PCDHGB5: variants seen among roughly 807,000 people sequenced by gnomAD.
The protein encoded by PCDHGB5 is protocadherin gamma-B5.
PCDHGB5 carries 48 observed loss-of-function variants against 62.9 expected under a neutral mutation model. That is an observed-to-expected ratio of 0.76 (90% CI 0.61 to 0.97). The LOEUF (loss-of-function observed/expected upper bound fraction) is 0.97. Among genes scored for constraint, PCDHGB5 ranks in the 50% least tolerant of loss-of-function variants. PCDHGB5 has a pLI of 0.00. For synonymous variants in PCDHGB5, 474 were observed against 511.2 expected (o/e 0.93, Z 0.98); for missense variants, 1,118 against 1,198.6 (o/e 0.93, Z 0.99).
At chr5:141,422,100 A>G (rs1019775470) in intron 1 of PCDHGB5, 2 of 1,609,786 alleles carry the variant, frequency 1.2e-6, no homozygotes, top group Non-Finnish European at 1.7e-6. Context: ...AGGCTTCTGA[A>G]ATATTCCAAT....
At chr5:141,400,799 G>C (rs2094077749) in intron 1 of PCDHGB5, 1 of 553,376 alleles carries the variant, frequency 1.8e-6, no homozygotes, top group Non-Finnish European at 3.2e-6. Flanking sequence ...CTTTCTCAAA[G>C]CTAATGAATT....
intron 1 of PCDHGB5, among the ~76,000 whole-genome samples, chr5:141,454,881 C>G (rs2098805859): frequency 7.4e-6 from 1 of 135,536 alleles, no homozygotes; most frequent in African/African-American, 2.8e-5. Flanking sequence ...GATCTTGGCT[C>G]ACTGCTAGCA....
At position 141,415,393 on chromosome 5, in the gene PCDHGB5, T is replaced by C. The variant is rs574028530; in HGVS notation, c.2397+14869T>C. On this transcript the variant is annotated intron_variant, in intron 1 of 3. Transcript: ENST00000617380. ...TTCAGGAGGCGGCTTGACAGGTGTG[T>C]CCGGCTCGCACTTTGTGGGCGTGGA... 1.1e-5 allele frequency: 17 copies of C among 1,614,190 alleles called. No individual in the cohort carries two copies. In the East Asian group the frequency reaches 2.5e-4, roughly 23 times the overall value.
intron 1 of PCDHGB5, among the ~76,000 whole-genome samples, chr5:141,488,600 A>G (rs2099677400): frequency 6.6e-6 from 1 of 152,166 alleles, no homozygotes; most frequent in Admixed American, 6.5e-5. Flanking sequence ...AAGACTTTAC[A>G]AGGTTCTTAC....
At position 141,432,540 on chromosome 5, in the gene PCDHGB5, T is replaced by A. The variant is rs147884705; in HGVS notation, c.2397+32016T>A. 7.6e-4 allele frequency: 1,222 copies of A among 1,613,608 alleles called. 1 individual carries two copies. The highest frequency in any genetic ancestry group is 1.1e-3 in the Admixed American group (64 of 59,988). ...TACCTGGTGACCAAGGTGGTGGCGG[T>A]GGACAGAGACTCCGGCCAGAACGCC... On this transcript the variant is annotated intron_variant, in intron 1 of 3. Transcript: ENST00000617380. This position sits in a 1 kb window ranked among gnomAD's most constrained non-coding sequence, Gnocchi z 6.0.
chr5:141,482,000 G>A (rs1421859839), intron 1 of PCDHGB5, among the ~76,000 whole-genome samples: 8 of 150,854 alleles, frequency 5.3e-5, no homozygotes, highest in East Asian at 1.9e-4. Flanking sequence ...CAGGAGAATC[G>A]CTTTATCTCA....
At chr5:141,419,886 G>C (rs1195529127) in intron 1 of PCDHGB5, 1 of 1,614,076 alleles carries the variant, frequency 6.2e-7, no homozygotes, top group Non-Finnish European at 8.5e-7. Context: ...CCGGATTTCA[G>C]CGACCATCCC....
chr5:141,447,709 T>C (rs896203283), intron 1 of PCDHGB5, among the ~76,000 whole-genome samples: 1 of 152,210 alleles, frequency 6.6e-6, no homozygotes, highest in East Asian at 1.9e-4. Context: ...TATAAGGATG[T>C]ACACATTTTC....
rs767278001 is a variant in PCDHGB5 at position 141,399,983 on chromosome 5, C to T, written c.1856C>T (p.Thr619Ile). 7.4e-6 allele frequency: 12 copies of T among 1,612,374 alleles called. No individual in the cohort carries two copies. The highest frequency in any genetic ancestry group is 1.0e-5 in the Non-Finnish European group (12 of 1,179,662). Reference protein sequence around the residue: ...EPGLFSLGLRTGEVRTARALG... With the variant: ...EPGLFSLGLRIGEVRTARALG... ...GGGCTCTTCAGCCTGGGGCTGCGCA[C>T]AGGAGAGGTGCGCACAGCGCGTGCC... Residue 619 changes from threonine to isoleucine, a missense_variant, in exon 1 of 4, where the codon ACA becomes ATA. By Grantham distance (89) the Thr-to-Ile change is moderately conservative (BLOSUM62 -1). Coordinates refer to ENST00000617380, the MANE Select transcript of PCDHGB5 (RefSeq NM_018925.3).
rs367914755 is a variant in PCDHGB5 at position 141,399,963 on chromosome 5, C to T, written c.1836C>T (p.Leu612=). ...TGCTGCAGGCTAGCGAGCCCGGGCT[C>T]TTCAGCCTGGGGCTGCGCACAGGAG... ...YHVLQASEPG[L]FSLGLRTGEV... is the part of the protein sequence containing the mutation. The change falls in exon 1 of 4, where the codon CTC becomes CTT. Residue 612 remains leucine, a synonymous_variant. Transcript: ENST00000617380. 793 of 1,612,310 alleles carry T rather than the reference C, an allele frequency of 4.9e-4. 4 individuals are homozygous for T. Among genetic ancestry groups the T allele is most frequent in the Non-Finnish European group, 3.8e-4 (443 of 1,179,704 alleles).
At chr5:141,410,625 G>A (rs202058499) in intron 1 of PCDHGB5, 1 of 1,602,442 alleles carries the variant, frequency 6.2e-7, no homozygotes, top group Non-Finnish European at 8.5e-7. Flanking sequence ...ACTTCGGTGA[G>A]TTTCTCTTTT....
chr5:141,400,360 C>T lies in PCDHGB5; in HGVS notation c.2233C>T (p.Pro745Ser), dbSNP rs1327384409. Reference sequence around the variant, plus strand: ...CCCCAACTACAGTCAGGGGACTTTGCCTTATTCCTACAACCTATGTGTTGC... The same window carrying T: ...CCCCAACTACAGTCAGGGGACTTTGTCTTATTCCTACAACCTATGTGTTGC... ...VPPNYSQGTL[P>S]YSYNLCVAHT... Residue 745 changes from proline (P) to serine (S), a missense_variant, in exon 1 of 4, where the codon CCT becomes TCT. Physicochemically the swap from Pro to Ser is moderately conservative, Grantham distance 74. Around this residue, in one of 2 missense-constraint regions of PCDHGB5, gnomAD observed 1,034 missense variants for 1,029.1 expected, o/e 1.00. Transcript: ENST00000617380. The T allele has an allele frequency of 1.2e-6, 2 of 1,614,030 alleles. No individual in the cohort carries two copies. Among genetic ancestry groups the T allele is most frequent in the East Asian group, 2.2e-5 (1 of 44,890 alleles).
chr5:141,472,145 A>C (rs1376068421), intron 1 of PCDHGB5, among the ~76,000 whole-genome samples: 1 of 152,244 alleles, frequency 6.6e-6, no homozygotes, highest in Non-Finnish European at 1.5e-5. Context: ...TAAAAGTTTC[A>C]TGGTTACATA....
chr5:141,450,310 G>A (rs1364358879), intron 1 of PCDHGB5, among the ~76,000 whole-genome samples: 1 of 151,966 alleles, frequency 6.6e-6, no homozygotes, highest in Non-Finnish European at 1.5e-5. Context: ...ACCATGTGTG[G>A]CCTAGTTGCC....
intron 1 of PCDHGB5, chr5:141,421,647 G>C: frequency 6.2e-7 from 1 of 1,613,872 alleles, no homozygotes; most frequent in South Asian, 1.1e-5. Context: ...ACGAAGTGGA[G>C]ATAAAAGTCA....
intron 1 of PCDHGB5, chr5:141,410,836 ATT>A (rs371761731): frequency 1.6e-5 from 4 of 254,870 alleles, no homozygotes; most frequent in African/African-American, 1.4e-4. Flanking sequence ...GACTGAAGAT[ATT>A]TTGTCTTTGT....
At chr5:141,418,131 A>C (rs1421799777) in intron 1 of PCDHGB5, 1 of 1,614,044 alleles carries the variant, frequency 6.2e-7, no homozygotes, top group East Asian at 2.2e-5. Flanking sequence ...GACCGAATAG[A>C]CCGTGAGCAA....
intron 1 of PCDHGB5, chr5:141,442,111 C>A: frequency 6.0e-6 from 1 of 166,354 alleles, no homozygotes; most frequent in Non-Finnish European, 1.3e-5. Context: ...CACTACCGCC[C>A]CTCGTCGCCG....
At chr5:141,405,038 G>T in intron 1 of PCDHGB5, 1 of 1,613,964 alleles carries the variant, frequency 6.2e-7, no homozygotes, top group Non-Finnish European at 8.5e-7. Flanking sequence ...CCTCGTTGTG[G>T]CTGTGGCAGT....
Sources: allele counts gnomAD v4.1 joint callset (sites outside exome capture counted in the v4.1 genomes callset), GRCh38; gene constraint gnomAD v4.1.1; regional missense constraint gnomAD v4.1.1; non-coding constraint Gnocchi (gnomAD v3.1); transcripts MANE v1.5; gene names NCBI Gene and HGNC (gene_info 2026-07-23, HGNC 2026-07-21).